The following SLC5A6 variants were observed in gnomAD, a reference collection of about 807,000 sequenced individuals.
The protein encoded by SLC5A6 is sodium-dependent multivitamin transporter.
A neutral mutation model predicts 67.9 loss-of-function variants in SLC5A6; 31 were observed. That is an observed-to-expected ratio of 0.46 (90% CI 0.34 to 0.62). SLC5A6 has a LOEUF of 0.62. Ranked by LOEUF, SLC5A6 falls within the 20% of genes least tolerant of loss-of-function variation. The probability of loss-of-function intolerance (pLI) is 0.01; values close to 1 mark genes in which losing one functional copy is unlikely to be tolerated. For synonymous variants in SLC5A6, 343 were observed against 331.0 expected, an observed-to-expected ratio of 1.04 and a Z score of -0.39; for missense variants, 673 against 812.8, an observed-to-expected ratio of 0.83 and a Z score of 2.09.
At chr2:27,204,701 T>C in intron 8 of SLC5A6, 90 bp downstream of exon 8, 1 of 1,601,466 alleles carries the variant, frequency 6.2e-7, no homozygotes, top group Non-Finnish European at 8.5e-7. Flanking sequence ...TGGATGTGTA[T>C]GCACTCTGGC....
chr2:27,207,230 C>A lies in SLC5A6; in HGVS notation c.393+28G>T, dbSNP rs1329545057. 2 of 1,607,580 alleles carry A rather than the reference C, an allele frequency of 1.2e-6. No homozygotes were observed. The highest frequency in any genetic ancestry group is 1.3e-5 in the African/African-American group (1 of 74,866). ...CCTCTCCACCCCAACCCGTGTCCCA[C>A]GCACTTCTCCCTTCTGTCCCTGCTC... On this transcript the variant is annotated intron_variant, in intron 3 of 16. Transcript: ENST00000310574. This position sits in a 1 kb window ranked among gnomAD's most constrained non-coding sequence, Gnocchi z 5.5.
chr2:27,205,243 T>C, intron 7 of SLC5A6, 107 bp downstream of exon 7: 1 of 1,162,578 alleles, frequency 8.6e-7, no homozygotes, highest in Non-Finnish European at 1.2e-6. Flanking sequence ...CTGTTACACC[T>C]CAGGCTTCCC....
In SLC5A6 at chr2:27,203,363, G is replaced by A. The variant is rs149599517; in HGVS notation, c.1095-18C>T. On this transcript the variant is annotated intron_variant, in intron 10 of 16. Coordinates refer to ENST00000310574, the MANE Select transcript of SLC5A6 (RefSeq NM_021095.4). ...ATATAGTGCTGAAAAAGAGGAAGAG[G>A]ATGAGGAGTTGAGCGAGGCAAAATT... The A allele has an allele frequency of 7.6e-5, 123 of 1,613,498 alleles. No individual in the cohort carries two copies. The African/African-American group carries it at 1.5e-3, about 20-fold the overall frequency.
At chr2:27,212,659 C>G (rs1674632883), upstream of SLC5A6, 4 of 1,390,748 alleles carry the variant, frequency 2.9e-6, no homozygotes, top group Non-Finnish European at 3.7e-6. Context: ...CCCAGTCCTG[C>G]CGACTTTCAA....
rs1237224243 is a variant in SLC5A6 at position 27,201,378 on chromosome 2, C to G, written c.1620G>C (p.Val540=). ...TGAGTAGACTGACAATCAGGCCCAC[C>G]ACAATCACTGTGGTGGAGTTGTGAG... ...YSAHNSTTVI[V]VGLIVSLLTG... is the part of the protein sequence containing the mutation. The change falls in exon 15 of 17, where the codon GTG becomes GTC. Residue 540 remains valine (V), a synonymous_variant. Coordinates refer to ENST00000310574, the MANE Select transcript of SLC5A6 (RefSeq NM_021095.4). The G allele has an allele frequency of 1.1e-5, 17 of 1,612,670 alleles. No homozygotes were observed. Among genetic ancestry groups the G allele is most frequent in the Non-Finnish European group, 1.4e-5 (17 of 1,178,832 alleles).
Position 27,199,701 on chromosome 2 carries a change from G to C in SLC5A6, c.*735C>G, listed in dbSNP as rs898087047. 2.0e-5 allele frequency: 3 copies of C among 152,532 alleles called. No individual in the cohort carries two copies. Among genetic ancestry groups the C allele is most frequent in the African/African-American group, 2.4e-5 (1 of 41,430 alleles). 9.4% of individuals were successfully genotyped at this position (152,532 alleles called of 1,614,324 possible). A position where few individuals can be genotyped will look rare whatever the true frequency, so the allele number is the denominator to read the frequency against. ...ATGACACCACGGCAGCCTGGCTCAG[G>C]AGTCAGGTAGATAGATGGCTGCTCC... On this transcript the variant is annotated 3_prime_UTR_variant, in exon 17 of 17. Coordinates refer to ENST00000310574, the MANE Select transcript of SLC5A6 (RefSeq NM_021095.4).
At chr2:27,201,283 C>G in intron 15 of SLC5A6, 67 bp downstream of exon 15, 1 of 1,145,084 alleles carries the variant, frequency 8.7e-7, no homozygotes, top group Non-Finnish European at 1.3e-6. Flanking sequence ...GCCTTTCTCC[C>G]TAGAGTCCCT....
rs899119256 is a variant in SLC5A6, at chr2:27,212,160, G to C, written c.-348C>G. On this transcript the variant is annotated 5_prime_UTR_variant, in exon 1 of 17. Coordinates refer to ENST00000310574, the MANE Select transcript of SLC5A6 (RefSeq NM_021095.4). ...GGGAGGCCTTCACTAAAGGGGAAAAGGAAGAGGGGGTCGGCCAGTATCCCC... is the reference window on the plus strand; with the variant it reads ...GGGAGGCCTTCACTAAAGGGGAAAACGAAGAGGGGGTCGGCCAGTATCCCC... 1 of 1,535,496 alleles carries C rather than the reference G, an allele frequency of 6.5e-7. No individual in the cohort carries two copies. Among genetic ancestry groups the C allele is most frequent in the East Asian group, 2.5e-5 (1 of 39,852 alleles).
Position 27,207,024 on chromosome 2 carries a change from A to G in SLC5A6, c.394-82T>C. On this transcript the variant is annotated intron_variant, in intron 3 of 16. Transcript: ENST00000310574. The surrounding 1 kb of genome is among the most constrained non-coding windows in gnomAD (Gnocchi z 5.5). Reference sequence around the variant, plus strand: ...AAATTCCCTCAAGATGCTCAGGAACATGAGGGAATATCCAACCCATACCCA... The same window carrying G: ...AAATTCCCTCAAGATGCTCAGGAACGTGAGGGAATATCCAACCCATACCCA... 3.2e-6 allele frequency: 4 copies of G among 1,255,590 alleles called. No homozygotes were observed. The highest frequency in any genetic ancestry group is 4.7e-6 in the Non-Finnish European group (4 of 853,720). 77.8% of individuals were successfully genotyped at this position (1,255,590 alleles called of 1,614,324 possible).
upstream of SLC5A6, chr2:27,212,590 C>T: frequency 6.9e-7 from 1 of 1,451,596 alleles, no homozygotes; most frequent in Non-Finnish European, 9.0e-7. Flanking sequence ...CTGACGCTTC[C>T]CGACCCTGCC....
chr2:27,206,330 C>G, intron 5 of SLC5A6, 153 bp downstream of exon 5: 1 of 750,714 alleles, frequency 1.3e-6, no homozygotes, highest in Non-Finnish European at 2.2e-6. Flanking sequence ...ACCAAGCCTT[C>G]CTCTGGTAGA....
In SLC5A6 at chr2:27,207,352, C is replaced by A; in HGVS notation, c.299G>T (p.Trp100Leu). 6.2e-7 allele frequency: 1 copy of A among 1,614,136 alleles called. No homozygotes were observed. Among genetic ancestry groups the A allele is most frequent in the Non-Finnish European group, 8.5e-7 (1 of 1,180,036 alleles). Residue 100 changes from tryptophan (W) to leucine (L), a missense_variant, in exon 3 of 17, where the codon TGG becomes TTG. Transcript: ENST00000310574. The surrounding 1 kb of genome is among the most constrained non-coding windows in gnomAD (Gnocchi z 5.5). ...CAGAAAGTAGCAGCAGCCCAGGAAC[C>A]AATATTGGGTCCCAAATCGGTAGAT... ...SEIYRFGTQY[W>L]FLGCCYFLGL...
chr2:27,212,448 G>C (rs1173839614), upstream of SLC5A6: 8 of 1,563,060 alleles, frequency 5.1e-6, no homozygotes, highest in Non-Finnish European at 6.9e-6. Context: ...GGCGTGGAAA[G>C]GGCTCTGGCG....
Position 27,201,451 on chromosome 2 carries a change from G to A in SLC5A6, c.1547C>T (p.Pro516Leu), listed in dbSNP as rs1454664501. The change falls in exon 15 of 17, where the codon CCC becomes CTC. Residue 516 changes from proline (P) to leucine (L), a missense_variant and splice_region_variant. By Grantham distance (98) the Pro-to-Leu change is moderately conservative. Coordinates refer to ENST00000310574, the MANE Select transcript of SLC5A6 (RefSeq NM_021095.4). ...TLMPLTTFSK[P>L]TGLQRFYSLS... ...GGAATAGAACCGCTGCAGCCCTGTG[G>A]GCCTGGGAAGAGCAGAGGTGAGAAC... 6.2e-7 allele frequency: 1 copy of A among 1,603,964 alleles called. No homozygotes were observed. Among genetic ancestry groups the A allele is most frequent in the Non-Finnish European group, 8.5e-7 (1 of 1,170,748 alleles).
chr2:27,202,722 T>G, intron 12 of SLC5A6, 91 bp downstream of exon 12: 2 of 1,113,890 alleles, frequency 1.8e-6, no homozygotes, highest in Non-Finnish European at 2.7e-6. Flanking sequence ...CCCCCGGTCA[T>G]TCCCCTCAAT....
intron 2 of SLC5A6, among the ~76,000 whole-genome samples, chr2:27,209,548 T>C (rs950269501): frequency 1.3e-5 from 2 of 152,256 alleles, no homozygotes; most frequent in Non-Finnish European, 2.9e-5. Context: ...GAAACAGTGC[T>C]GTCTGCAGCT....
chr2:27,204,641 C>T (rs115195329), intron 8 of SLC5A6, 51 bp from the exon 9 acceptor site: 1 of 1,606,784 alleles, frequency 6.2e-7, no homozygotes, highest in Non-Finnish European at 8.5e-7. Flanking sequence ...CAGACACCCT[C>T]AGGTGTGTGC....
upstream of SLC5A6, chr2:27,212,753 ATC>A (rs1319984783): frequency 1.7e-5 from 15 of 900,430 alleles, no homozygotes; most frequent in East Asian, 3.5e-5. Context: ...CTCTTGTGTA[ATC>A]TCTCTACGCA....
chr2:27,208,228 G>A (rs1674219023), intron 2 of SLC5A6, among the ~76,000 whole-genome samples: 2 of 152,248 alleles, frequency 1.3e-5, no homozygotes, highest in South Asian at 4.1e-4. Flanking sequence ...TTCCCCTACT[G>A]CCCCTGGCCT....
Sources: gnomAD v4.1 joint callset for allele counts (sites outside exome capture counted in the v4.1 genomes callset) on GRCh38, gnomAD v4.1.1 for gene constraint, Gnocchi (gnomAD v3.1) non-coding constraint, MANE v1.5 for transcripts, NCBI Gene and HGNC (gene_info 2026-07-23, HGNC 2026-07-21) for gene names.